The following ZBTB7A variants were observed in gnomAD, a reference collection of about 807,000 sequenced individuals.
ZBTB7A encodes the protein zinc finger and BTB domain-containing protein 7A.
Under a neutral mutation model 26.7 loss-of-function variants are expected in ZBTB7A, and 7 were observed. The observed-to-expected ratio is 0.26, with a 90% CI of 0.15 to 0.49. The LOEUF (loss-of-function observed/expected upper bound fraction) is 0.49, where lower values mean the gene tolerates loss of function less well. ZBTB7A is among the 20% of genes least tolerant of loss of function. The pLI is 0.98. For missense variants in ZBTB7A, 617 were observed against 919.5 expected, an observed-to-expected ratio of 0.67 and a Z score of 4.25; for synonymous variants, 452 against 441.0, an observed-to-expected ratio of 1.02 and a Z score of -0.31.
At position 4,054,568 on chromosome 19, in the gene ZBTB7A, G is replaced by A. The variant is rs1290377548; in HGVS notation, c.665C>T (p.Pro222Leu). 1 of 1,509,302 alleles carries A rather than the reference G, an allele frequency of 6.6e-7. No individual in the cohort carries two copies. The highest frequency in any genetic ancestry group is 8.8e-7 in the Non-Finnish European group (1 of 1,140,806). The allele number at this position is 1,509,302 out of a possible 1,614,324, so 93.5% of individuals were successfully genotyped here. Residue 222 changes from proline (P) to leucine (L), a missense_variant, in exon 2 of 3, where the codon CCG becomes CTG. Physicochemically the swap from Pro to Leu is moderately conservative, Grantham distance 98 (BLOSUM62 -3). This residue lies in a region of ZBTB7A where 331 missense variants were observed against 391.3 expected (regional missense o/e 0.85). Coordinates refer to ENST00000322357, the MANE Select transcript of ZBTB7A (RefSeq NM_015898.4). ...GDCNGLDFYG[P>L]GPPAERPPTG... ...CGGGGGCCGCTCGGCCGGGGGGCCC[G>A]GCCCATAGAAGTCTAAGCCGTTGCA...
At chr19:4,051,279 C>G (rs1419207142) in intron 2 of ZBTB7A, among the ~76,000 whole-genome samples, 2 of 152,094 alleles carry the variant, frequency 1.3e-5, no homozygotes, top group Non-Finnish European at 2.9e-5. Flanking sequence ...TGCCCCACAT[C>G]TGAGCCACCT....
In ZBTB7A at chr19:4,043,368, T is replaced by C. The variant is rs914616982; in HGVS notation, c.*4384A>G. ...TATGTACAAGAAAAATGAATTTTTT[T>C]GTTTTTTCATCTTTTGTGTTTTTGT... On this transcript the variant is annotated 3_prime_UTR_variant, in exon 3 of 3. Coordinates refer to ENST00000322357, the MANE Select transcript of ZBTB7A (RefSeq NM_015898.4). 2.0e-5 allele frequency among the ~76,000 whole-genome samples: 3 copies of C among 152,014 alleles called. No individual in the cohort carries two copies. The highest frequency in any genetic ancestry group is 7.2e-5 in the African/African-American group (3 of 41,508).
chr19:4,054,687 G>A lies in ZBTB7A; in HGVS notation c.546C>T (p.Ser182=), dbSNP rs1227508179. Residue 182 remains serine (S), a synonymous_variant, in exon 2 of 3, where the codon AGC becomes AGT. Coordinates refer to ENST00000322357, the MANE Select transcript of ZBTB7A (RefSeq NM_015898.4). ...LPPAAAAAAA[S]FPWSAFGASD... ...ACGCCCCAAAGGCGGACCACGGGAA[G>A]CTGGCAGCGGCGGCGGCGGCCGCGG... 6.3e-7 allele frequency: 1 copy of A among 1,591,834 alleles called. No homozygotes were observed. The highest frequency in any genetic ancestry group is 1.3e-5 in the African/African-American group (1 of 74,614).
At chr19:4,059,224 G>A (rs2040614899) in intron 1 of ZBTB7A, among the ~76,000 whole-genome samples, 1 of 152,214 alleles carries the variant, frequency 6.6e-6, no homozygotes, top group Non-Finnish European at 1.5e-5. Context: ...CTGGCCTGCT[G>A]GGCCGTTCCT....
rs958497232 is a variant in ZBTB7A at position 4,048,308 on chromosome 19, G to A, written c.1263-64C>T. 6.7e-7 allele frequency: 1 copy of A among 1,483,980 alleles called. No individual in the cohort carries two copies. Among genetic ancestry groups the A allele is most frequent in the Admixed American group, 2.6e-5 (1 of 38,080 alleles). 91.9% of individuals were successfully genotyped at this position (1,483,980 alleles called of 1,614,324 possible). A position where few individuals can be genotyped will look rare whatever the true frequency, so the allele number is the denominator to read the frequency against. On this transcript the variant is annotated intron_variant, in intron 2 of 2. Transcript: ENST00000322357. This position sits in a 1 kb window ranked among gnomAD's most constrained non-coding sequence, Gnocchi z 6.7. The stretch of plus-strand genomic sequence containing the variant: ...CGGGGACCCCCGATCCCCGCCCAGG[G>A]ACCCTCACGGACACGGCAGGCCCTG...
chr19:4,064,459 C>G (rs949114963), intron 1 of ZBTB7A, among the ~76,000 whole-genome samples: 1 of 152,254 alleles, frequency 6.6e-6, no homozygotes, highest in African/African-American at 2.4e-5. Flanking sequence ...GCCTGAAGCC[C>G]TCAGGCCCTG....
At chr19:4,049,454 C>T (rs1362650299) in intron 2 of ZBTB7A, among the ~76,000 whole-genome samples, 1 of 151,552 alleles carries the variant, frequency 6.6e-6, no homozygotes, top group Non-Finnish European at 1.5e-5. Context: ...TGCCACAGAC[C>T]TTTGCCGAGC....
At position 4,052,976 on chromosome 19, in the gene ZBTB7A, C is replaced by T. The variant is rs949457790; in HGVS notation, c.1262+995G>A. ...CTAGAACAGGCCTGGCACCAGCAGA[C>T]GCTTCATAAATGTTGGCTGATTGAA... is the stretch of plus-strand genomic sequence containing the variant. On this transcript the variant is annotated intron_variant, in intron 2 of 2. Coordinates refer to ENST00000322357, the MANE Select transcript of ZBTB7A (RefSeq NM_015898.4). The surrounding 1 kb of genome is among the most constrained non-coding windows in gnomAD (Gnocchi z 4.9). 2.6e-5 allele frequency among the ~76,000 whole-genome samples: 4 copies of T among 152,212 alleles called. No homozygotes were observed. The highest frequency in any genetic ancestry group is 2.0e-4 in the Admixed American group (3 of 15,280).
intron 1 of ZBTB7A, among the ~76,000 whole-genome samples, chr19:4,058,719 C>T (rs1169989494): frequency 6.6e-6 from 1 of 152,214 alleles, no homozygotes; most frequent in African/African-American, 2.4e-5. Flanking sequence ...CAGGCTCTGA[C>T]GCCGACGGGC....
At chr19:4,055,692 G>A (rs1006680340) in intron 1 of ZBTB7A, among the ~76,000 whole-genome samples, 3 of 152,092 alleles carry the variant, frequency 2.0e-5, no homozygotes, top group South Asian at 2.1e-4. Context: ...GCGTGTTGGC[G>A]GGGGCCTGTA....
Position 4,047,835 on chromosome 19 carries a change from C to A in ZBTB7A, c.1672G>T (p.Val558Leu). 6.2e-7 allele frequency: 1 copy of A among 1,606,448 alleles called. No individual in the cohort carries two copies. Among genetic ancestry groups the A allele is most frequent in the Non-Finnish European group, 8.5e-7 (1 of 1,177,106 alleles). ...ASPDGLGRLN[V>L]AGAGGGGDSG... Reference sequence around the variant, plus strand: ...TCACCTCCTCCACCGGCGCCCGCTACATTCAACCGGCCCAAGCCGTCGGGG... The same window carrying A: ...TCACCTCCTCCACCGGCGCCCGCTAAATTCAACCGGCCCAAGCCGTCGGGG... Residue 558 changes from valine to leucine, a missense_variant, in exon 3 of 3, where the codon GTA becomes TTA. Physicochemically the swap from Val to Leu is conservative, Grantham distance 32 (BLOSUM62 1). Coordinates refer to ENST00000322357, the MANE Select transcript of ZBTB7A (RefSeq NM_015898.4).
rs374130371 is a variant in ZBTB7A at position 4,053,959 on chromosome 19, C to T, written c.1262+12G>A. On this transcript the variant is annotated intron_variant, in intron 2 of 2. Transcript: ENST00000322357. ...GAGCAGGACGGCGCCTCCCCCGCGG[C>T]GGGCAGCTCACCTGGTGAAGCGGAC... 3.0e-5 allele frequency: 48 copies of T among 1,583,378 alleles called. No homozygotes were observed. The highest frequency in any genetic ancestry group is 3.8e-5 in the Non-Finnish European group (44 of 1,167,492).
At chr19:4,057,799 CAAT>C (rs2040596748) in intron 1 of ZBTB7A, among the ~76,000 whole-genome samples, 2 of 136,288 alleles carry the variant, frequency 1.5e-5, no homozygotes, top group Non-Finnish European at 3.2e-5. Context: ...AAAAAAAAAA[CAAT>C]AACAACAACA....
rs1295950626 is a variant in ZBTB7A at position 4,047,891 on chromosome 19, T to G, written c.1616A>C (p.Lys539Thr). The G allele has an allele frequency of 6.3e-7, 1 of 1,586,082 alleles. No individual in the cohort carries two copies. The highest frequency in any genetic ancestry group is 1.8e-5 in the Admixed American group (1 of 56,734). Residue 539 changes from lysine to threonine, a missense_variant, in exon 3 of 3, where the codon AAG becomes ACG. Around this residue, in one of 5 missense-constraint regions of ZBTB7A, gnomAD observed 136 missense variants for 126.6 expected, o/e 1.07. Transcript: ENST00000322357. ...CACGTCCTCGTCCTCGTCCTCGTCC[T>G]TAAAGTGCTTCTCCTGGCCGTTGCG... is the stretch of plus-strand genomic sequence containing the variant. Reference protein sequence around the residue: ...ARRNGQEKHFKDEDEDEDVAS... With the variant: ...ARRNGQEKHFTDEDEDEDVAS...
At position 4,048,647 on chromosome 19, in the gene ZBTB7A, A is replaced by T. The variant is rs577861678; in HGVS notation, c.1263-403T>A. Among the ~76,000 whole-genome samples the T allele has an allele frequency of 9.3e-4, 141 of 151,852 alleles. 1 individual carries two copies. The highest frequency in any genetic ancestry group is 3.3e-3 in the African/African-American group (135 of 41,322). ...GGAGTTCGAGACCAGCCTGATCGAC[A>T]CGGTGAAACCCTGTCTCTACTAAAA... On this transcript the variant is annotated intron_variant, in intron 2 of 2. Coordinates refer to ENST00000322357, the MANE Select transcript of ZBTB7A (RefSeq NM_015898.4). This position sits in a 1 kb window ranked among gnomAD's most constrained non-coding sequence, Gnocchi z 6.7.
intron 1 of ZBTB7A, chr19:4,061,965 A>T (rs2040642605): frequency 6.6e-6 from 1 of 152,314 alleles, no homozygotes; most frequent in African/African-American, 2.4e-5. Context: ...CCCTGCCATC[A>T]GCCCAGGCTG....
intron 1 of ZBTB7A, chr19:4,065,858 G>A (rs928063087): frequency 1.4e-5 from 2 of 143,254 alleles, no homozygotes; most frequent in Non-Finnish European, 3.1e-5. Context: ...CCGGAAGCCG[G>A]GACCGCCACC....
At position 4,047,845 on chromosome 19, in the gene ZBTB7A, G is replaced by A. The variant is rs1389591413; in HGVS notation, c.1662C>T (p.Gly554=). Residue 554 remains glycine, a synonymous_variant, in exon 3 of 3, where the codon GGC becomes GGT. Coordinates refer to ENST00000322357, the MANE Select transcript of ZBTB7A (RefSeq NM_015898.4). Reference sequence around the variant, plus strand: ...CACCGGCGCCCGCTACATTCAACCGGCCCAAGCCGTCGGGGCTGGCCACGT... The same window carrying A: ...CACCGGCGCCCGCTACATTCAACCGACCCAAGCCGTCGGGGCTGGCCACGT... ...DEDVASPDGL[G]RLNVAGAGGG... is the part of the protein sequence containing the mutation. 1.9e-6 allele frequency: 3 copies of A among 1,605,710 alleles called. No homozygotes were observed. In the African/African-American group the frequency reaches 4.0e-5, roughly 22 times the overall value.
chr19:4,055,395 T>C (rs1453300660), intron 1 of ZBTB7A, 148 bp from the exon 2 acceptor site: 2 of 1,391,912 alleles, frequency 1.4e-6, no homozygotes, highest in East Asian at 5.4e-5. Context: ...GGCGGTCAGA[T>C]GTCGCGCCTT....
Sources: allele counts gnomAD v4.1 joint callset (sites outside exome capture counted in the v4.1 genomes callset), GRCh38; gene constraint gnomAD v4.1.1; regional missense constraint gnomAD v4.1.1; non-coding constraint Gnocchi (gnomAD v3.1); transcripts MANE v1.5; gene names NCBI Gene and HGNC (gene_info 2026-07-23, HGNC 2026-07-21).